Variants in MTHFD1L observed in about 807,000 individuals in gnomAD.
MTHFD1L encodes the protein methylenetetrahydrofolate dehydrogenase (NADP+ dependent) 1 like.
In MTHFD1L, 81 loss-of-function variants were observed where a neutral mutation model predicts 119.5. The ratio of observed to expected loss-of-function variants is 0.68; its 90% CI spans 0.57 to 0.82. The LOEUF (loss-of-function observed/expected upper bound fraction) is 0.82. Ranked by LOEUF, MTHFD1L falls within the 40% of genes least tolerant of loss-of-function variation. MTHFD1L has a pLI of 0.00. For missense variants in MTHFD1L, 1,125 were observed against 1,253.4 expected (o/e 0.90, Z 1.55); for synonymous variants, 430 against 475.2 (o/e 0.90, Z 1.24).
chr6:151,044,738 C>G (rs1410627918), intron 26 of MTHFD1L, among the ~76,000 whole-genome samples: 1 of 152,118 alleles, frequency 6.6e-6, no homozygotes, highest in East Asian at 1.9e-4. Flanking sequence ...TCCCTGTGAC[C>G]CGGCCCTGCC....
In MTHFD1L at chr6:150,865,988, C is replaced by T; in HGVS notation, c.166C>T (p.Gln56Ter). The T allele has an allele frequency of 1.5e-6, 2 of 1,311,598 alleles. No homozygotes were observed. Among genetic ancestry groups the T allele is most frequent in the Non-Finnish European group, 1.9e-6 (2 of 1,036,890 alleles). The allele number at this position is 1,311,598 out of a possible 1,614,324, so 81.2% of individuals were successfully genotyped here. A position where few individuals can be genotyped will look rare whatever the true frequency, so the allele number is the denominator to read the frequency against. ...TGGACAGCGGCGGCCGCAGGATGGCCAGGCCCGGAGCAGCTGCAGCCCCGG... is the reference window on the plus strand; with the variant it reads ...TGGACAGCGGCGGCCGCAGGATGGCTAGGCCCGGAGCAGCTGCAGCCCCGG... ...LLGQRRPQDGQARSSCSPGGR... is the reference protein window; with the variant it reads ...LLGQRRPQDG The change falls in exon 1 of 28, where the codon CAG (glutamine) becomes TAG (stop). Residue 56 changes from glutamine (Q) to a stop codon, truncating the protein, a stop_gained. Coordinates refer to ENST00000367321, the MANE Select transcript of MTHFD1L (RefSeq NM_015440.5). LOFTEE classifies it high-confidence loss of function.
chr6:150,897,931 G>A (rs772289637), intron 7 of MTHFD1L, among the ~76,000 whole-genome samples: 5 of 152,260 alleles, frequency 3.3e-5, no homozygotes, highest in Middle Eastern at 3.4e-3. Context: ...CGCAGTCTCC[G>A]CCTCCCAGGT....
chr6:150,936,981 TGG>T (rs765762028), intron 12 of MTHFD1L, 41 bp downstream of exon 12: 5 of 1,602,114 alleles, frequency 3.1e-6, no homozygotes, highest in African/African-American at 1.3e-5. Context: ...AGGGCAAAGT[TGG>T]GGGGAGAGAA....
At chr6:151,013,872 C>T in intron 22 of MTHFD1L, 52 bp downstream of exon 22, 1 of 1,524,382 alleles carries the variant, frequency 6.6e-7, no homozygotes, top group Non-Finnish European at 9.0e-7. Context: ...AATCCAGTGA[C>T]TCGTTGGCTT....
At chr6:150,886,602 GA>G (rs1782348945) in intron 6 of MTHFD1L, among the ~76,000 whole-genome samples, 1 of 152,014 alleles carries the variant, frequency 6.6e-6, no homozygotes, top group Admixed American at 6.6e-5. Context: ...CAGTGAAATA[GA>G]AATGAATATT....
Position 151,034,494 on chromosome 6 carries a change from T to C in MTHFD1L, c.2588T>C (p.Val863Ala). The change falls in exon 25 of 28, where the codon GTT (valine) becomes GCT (alanine). Residue 863 changes from valine (V) to alanine (A), a missense_variant and splice_region_variant. By Grantham distance (64) the Val-to-Ala change is moderately conservative. This residue lies in a region of MTHFD1L where 1,058 missense variants were observed against 1,151.2 expected (regional missense o/e 0.92). Coordinates refer to ENST00000367321, the MANE Select transcript of MTHFD1L (RefSeq NM_015440.5). ...SRFQFLYDVQ[V>A]PIVDKIRTIA... is the part of the protein sequence containing the mutation. The stretch of plus-strand genomic sequence containing the variant: ...TTGTTATAATTTGTGTTTCTCCAGG[T>C]TCCAATTGTGGACAAGATAAGGACC... 6.2e-7 allele frequency: 1 copy of C among 1,600,186 alleles called. No homozygotes were observed. Among genetic ancestry groups the C allele is most frequent in the Non-Finnish European group, 8.6e-7 (1 of 1,169,430 alleles).
At chr6:151,012,726 TAGAG>T (rs1477859378) in intron 21 of MTHFD1L, among the ~76,000 whole-genome samples, 2 of 152,086 alleles carry the variant, frequency 1.3e-5, no homozygotes, top group South Asian at 2.1e-4. Context: ...TGTGTATATA[TAGAG>T]AAAGATATTT....
intron 7 of MTHFD1L, among the ~76,000 whole-genome samples, chr6:150,889,511 G>A (rs2128783882): frequency 6.6e-6 from 1 of 152,332 alleles, no homozygotes; most frequent in Non-Finnish European, 1.5e-5. Flanking sequence ...GACAGCTATA[G>A]TGTAGAAGAT....
intron 7 of MTHFD1L, among the ~76,000 whole-genome samples, chr6:150,905,163 A>G (rs1785695584): frequency 6.7e-6 from 1 of 148,488 alleles, no homozygotes; most frequent in African/African-American, 2.5e-5. Flanking sequence ...CCTCCTGAGT[A>G]GCTGAGATTA....
Position 150,866,049 on chromosome 6 carries a change from G to C in MTHFD1L, c.227G>C (p.Arg76Thr), listed in dbSNP as rs1449100329. The change falls in exon 1 of 28, where the codon AGA (arginine) becomes ACA (threonine). Residue 76 changes from arginine to threonine, a missense_variant and splice_region_variant. Around this residue, in one of 3 missense-constraint regions of MTHFD1L, gnomAD observed 1,058 missense variants for 1,151.2 expected, o/e 0.92. Transcript: ENST00000367321. ...CCCGCGGCGCGGGACTCCATCGTCA[G>C]GTGAGTGTCGGGTCTGGCCCTGGCC... ...RTPAARDSIV[R>T]EVIQNSKEVL... The C allele has an allele frequency of 1.4e-6, 2 of 1,470,224 alleles. No homozygotes were observed. The highest frequency in any genetic ancestry group is 3.0e-5 in the East Asian group (1 of 33,268). 91.1% of individuals were successfully genotyped at this position (1,470,224 alleles called of 1,614,324 possible).
In MTHFD1L at chr6:150,926,928, G is replaced by T. The variant is rs1436273885; in HGVS notation, c.1256+633G>T. Among the ~76,000 whole-genome samples, 1 of 152,092 alleles carries T rather than the reference G, an allele frequency of 6.6e-6. No homozygotes were observed. Among genetic ancestry groups the T allele is most frequent in the Non-Finnish European group, 1.5e-5 (1 of 68,018 alleles). On this transcript the variant is annotated intron_variant, in intron 11 of 27. Transcript: ENST00000367321. The surrounding 1 kb of genome is among the most constrained non-coding windows in gnomAD (Gnocchi z 4.3). ...GCTGAAAAGATGATAGAAAGCAAGGGATTTCAAATATTTATTCAGTGTGAC... is the reference window on the plus strand; with the variant it reads ...GCTGAAAAGATGATAGAAAGCAAGGTATTTCAAATATTTATTCAGTGTGAC...
chr6:150,870,637 G>T (rs1779249952), intron 1 of MTHFD1L, among the ~76,000 whole-genome samples: 1 of 152,138 alleles, frequency 6.6e-6, no homozygotes, highest in African/African-American at 2.4e-5. Flanking sequence ...ATAAGGCCGG[G>T]CGTGGTAGCT....
intron 20 of MTHFD1L, among the ~76,000 whole-genome samples, chr6:150,982,718 G>A (rs947404229): frequency 1.4e-4 from 19 of 137,050 alleles, no homozygotes; most frequent in African/African-American, 5.2e-4. Flanking sequence ...TTTTTTTCTT[G>A]AGACAGAGTC....
intron 27 of MTHFD1L, among the ~76,000 whole-genome samples, chr6:151,097,785 T>C (rs1163859051): frequency 6.6e-6 from 1 of 152,130 alleles, no homozygotes; most frequent in African/African-American, 2.4e-5. Context: ...ACAGTAGTAA[T>C]GATAAATACT....
At chr6:151,037,501 C>T (rs546424710) in intron 26 of MTHFD1L, among the ~76,000 whole-genome samples, 1 of 152,176 alleles carries the variant, frequency 6.6e-6, no homozygotes, top group Admixed American at 6.5e-5. Flanking sequence ...TCACACCAGA[C>T]AGGATCTGCC....
At chr6:150,871,130 TAA>T (rs1491284394) in intron 1 of MTHFD1L, among the ~76,000 whole-genome samples, 6 of 144,424 alleles carry the variant, frequency 4.2e-5, no homozygotes, top group East Asian at 1.9e-4. Flanking sequence ...ATATATATCT[TAA>T]TATATATATA....
At chr6:150,958,930 C>T (rs1052211494) in intron 17 of MTHFD1L, among the ~76,000 whole-genome samples, 4 of 151,936 alleles carry the variant, frequency 2.6e-5, no homozygotes, top group African/African-American at 4.8e-5. Flanking sequence ...GCTTGAATAT[C>T]GATTATATAT....
chr6:150,920,280 G>A (rs1788674913), intron 9 of MTHFD1L, among the ~76,000 whole-genome samples: 1 of 152,196 alleles, frequency 6.6e-6, no homozygotes, highest in Non-Finnish European at 1.5e-5. Context: ...TAAAGTATTT[G>A]GAGGCATTTT....
intron 7 of MTHFD1L, among the ~76,000 whole-genome samples, chr6:150,904,563 G>A (rs545986689): frequency 3.7e-4 from 56 of 152,248 alleles, no homozygotes; most frequent in African/African-American, 1.3e-3. Flanking sequence ...TAGCTGACCT[G>A]TACAATTATA....
Sources: allele counts gnomAD v4.1 joint callset (sites outside exome capture counted in the v4.1 genomes callset), GRCh38; gene constraint gnomAD v4.1.1; regional missense constraint gnomAD v4.1.1; non-coding constraint Gnocchi (gnomAD v3.1); transcripts MANE v1.5; gene names NCBI Gene and HGNC (gene_info 2026-07-23, HGNC 2026-07-21).